The following KAT6A variants were observed in gnomAD, a reference collection of about 807,000 sequenced individuals.
KAT6A encodes lysine acetyltransferase 6A, also known as histone acetyltransferase KAT6A.
KAT6A carries 9 observed loss-of-function variants against 198.4 expected under a neutral mutation model. That is an observed-to-expected ratio of 0.05 (90% CI 0.03 to 0.08). The LOEUF (loss-of-function observed/expected upper bound fraction) is 0.08, where lower values mean the gene tolerates loss of function less well. KAT6A is among the 10% of genes least tolerant of loss of function. The pLI is 1.00. For missense variants in KAT6A, 2,077 were observed against 2,509.9 expected (o/e 0.83, Z 3.69); for synonymous variants, 890 against 883.0 (o/e 1.01, Z -0.14).
At chr8:41,961,632 A>C (rs1408266247) in intron 8 of KAT6A, among the ~76,000 whole-genome samples, 3 of 151,546 alleles carry the variant, frequency 2.0e-5, no homozygotes, top group Non-Finnish European at 2.9e-5. Flanking sequence ...GCACACCTGT[A>C]GTACCAGCTA....
chr8:42,034,614 T>C (rs1033793125), intron 2 of KAT6A, among the ~76,000 whole-genome samples: 2 of 152,226 alleles, frequency 1.3e-5, no homozygotes, highest in East Asian at 3.8e-4. Context: ...TTCTGTACTG[T>C]CCATTATAGC....
intron 2 of KAT6A, among the ~76,000 whole-genome samples, chr8:42,017,942 G>C (rs762153083): frequency 6.6e-6 from 1 of 152,118 alleles, no homozygotes; most frequent in Non-Finnish European, 1.5e-5. Flanking sequence ...CTTATTTATT[G>C]AATGACTAAA....
At chr8:42,017,001 C>T (rs1185620754) in intron 2 of KAT6A, among the ~76,000 whole-genome samples, 1 of 152,022 alleles carries the variant, frequency 6.6e-6, no homozygotes, top group East Asian at 1.9e-4. Flanking sequence ...AAGATACTCT[C>T]AACACTTGTT....
chr8:42,027,399 T>C (rs1241199179), intron 2 of KAT6A, among the ~76,000 whole-genome samples: 1 of 152,176 alleles, frequency 6.6e-6, no homozygotes, highest in Admixed American at 6.5e-5. Flanking sequence ...ATTCAGCAGG[T>C]AGAATTGAGA....
At chr8:41,935,009 T>C (rs1445145628) in intron 16 of KAT6A, 142 bp from the exon 17 acceptor site, 6 of 721,502 alleles carry the variant, frequency 8.3e-6, no homozygotes, top group Non-Finnish European at 4.5e-6. Context: ...ATTTTAAAGT[T>C]AAGAACCTAG....
chr8:41,929,878 GA>G lies in KAT6A; in HGVS notation c.*2326del, dbSNP rs1186364058. 1.2e-4 allele frequency: 25 copies of G among 207,190 alleles called. No homozygotes were observed. The highest frequency in any genetic ancestry group is 1.7e-4 in the Non-Finnish European group (17 of 101,680). The allele number at this position is 207,190 out of a possible 1,614,324, so 12.8% of individuals were successfully genotyped here. On this transcript the variant is annotated 3_prime_UTR_variant, in exon 17 of 17. Coordinates refer to ENST00000265713, the MANE Select transcript of KAT6A (RefSeq NM_006766.5). Reference sequence around the variant, plus strand: ...AAAAATTTTAAAGATGGAATGAAATGAAAAAGCTCTTATTTTAAAAGGCATC... The same window carrying G: ...AAAAATTTTAAAGATGGAATGAAATGAAAAGCTCTTATTTTAAAAGGCATC...
intron 2 of KAT6A, among the ~76,000 whole-genome samples, chr8:41,994,898 A>T (rs970663848): frequency 7.9e-5 from 12 of 152,068 alleles, no homozygotes; most frequent in African/African-American, 2.9e-4. Flanking sequence ...TCTATTAAAA[A>T]TACAAAAATT....
intron 5 of KAT6A, among the ~76,000 whole-genome samples, chr8:41,979,709 A>G (rs1824251454): frequency 6.6e-6 from 1 of 152,156 alleles, no homozygotes; most frequent in South Asian, 2.1e-4. Flanking sequence ...ACAATCAGTA[A>G]GTGAATTCAG....
chr8:41,933,956 G>C lies in KAT6A; in HGVS notation c.4264C>G (p.Leu1422Val). The C allele has an allele frequency of 6.2e-7, 1 of 1,613,988 alleles. No individual in the cohort carries two copies. Among genetic ancestry groups the C allele is most frequent in the Non-Finnish European group, 8.5e-7 (1 of 1,179,996 alleles). ...GACTGCACTGCCTGTACAGTTTCCA[G>C]ATCCAGCTCACTATGAGGAATCTCT... Reference protein sequence around the residue: ...EEEIPHSELDLETVQAVQSLT... With the variant: ...EEEIPHSELDVETVQAVQSLT... The change falls in exon 17 of 17, where the codon CTG becomes GTG. Residue 1422 changes from leucine (L) to valine (V), a missense_variant. Coordinates refer to ENST00000265713, the MANE Select transcript of KAT6A (RefSeq NM_006766.5). The surrounding 1 kb of genome is among the most constrained non-coding windows in gnomAD (Gnocchi z 6.2).
In KAT6A at chr8:42,035,463, G is replaced by GA. The variant is rs539506585; in HGVS notation, c.600+12914dup. 9.3e-4 allele frequency among the ~76,000 whole-genome samples: 141 copies of GA among 152,142 alleles called. 1 individual carries two copies. Among genetic ancestry groups the GA allele is most frequent in the Non-Finnish European group, 1.7e-3 (114 of 68,026 alleles). ...ACACAGAGGTCTAGAAATAACTCAG[G>GA]AAAGTTATCTCTAGATAACTCTCTA... On this transcript the variant is annotated intron_variant, in intron 2 of 16. Transcript: ENST00000265713.
chr8:41,945,307 G>A (rs1390067527), intron 12 of KAT6A, among the ~76,000 whole-genome samples: 1 of 145,830 alleles, frequency 6.9e-6, no homozygotes, highest in Admixed American at 7.0e-5. Context: ...AGTTTTGCTC[G>A]TCACCCAGGC....
At chr8:41,970,435 ACT>A (rs1174589370) in intron 8 of KAT6A, among the ~76,000 whole-genome samples, 3 of 151,896 alleles carry the variant, frequency 2.0e-5, no homozygotes, top group Non-Finnish European at 4.4e-5. Flanking sequence ...AACCCGTTTA[ACT>A]CTCTTTGGTC....
chr8:42,004,643 C>G lies in KAT6A; in HGVS notation c.601-17080G>C, dbSNP rs994448114. The stretch of plus-strand genomic sequence containing the variant: ...GATCGACAGTTAAAAATCACTACTT[C>G]GGCCGGGTGCGGTGACTCACACCTG... On this transcript the variant is annotated intron_variant, in intron 2 of 16. Transcript: ENST00000265713. Among the ~76,000 whole-genome samples the G allele has an allele frequency of 2.0e-5, 3 of 152,088 alleles. No individual in the cohort carries two copies. In the South Asian group the frequency reaches 6.2e-4, roughly 32 times the overall value.
chr8:41,954,861 T>C (rs1017772190), intron 9 of KAT6A, among the ~76,000 whole-genome samples: 5 of 152,288 alleles, frequency 3.3e-5, no homozygotes, highest in Admixed American at 3.3e-4. Context: ...TTTACACCAA[T>C]TGTCCAATTA....
At chr8:42,017,558 G>A (rs1244260546) in intron 2 of KAT6A, among the ~76,000 whole-genome samples, 1 of 151,972 alleles carries the variant, frequency 6.6e-6, no homozygotes, top group African/African-American at 2.4e-5. Flanking sequence ...GGGGTGGGGG[G>A]ATCTAAAGGA....
intron 3 of KAT6A, among the ~76,000 whole-genome samples, chr8:41,985,514 C>T (rs1384107083): frequency 6.6e-6 from 1 of 152,192 alleles, no homozygotes; most frequent in Non-Finnish European, 1.5e-5. Context: ...TAAGCAAAGT[C>T]ATGGTAACAA....
chr8:41,966,082 T>G (rs918453046), intron 8 of KAT6A, among the ~76,000 whole-genome samples: 1 of 152,188 alleles, frequency 6.6e-6, no homozygotes, highest in Admixed American at 6.5e-5. Context: ...GGCAAGTCAC[T>G]ATCAGATTTG....
chr8:41,942,758 CT>C, intron 14 of KAT6A, 34 bp downstream of exon 14: 1 of 1,602,826 alleles, frequency 6.2e-7, no homozygotes. Flanking sequence ...AATATATCTT[CT>C]GTCATCAAAA....
chr8:42,007,191 T>C (rs1825793354), intron 2 of KAT6A, among the ~76,000 whole-genome samples: 1 of 152,148 alleles, frequency 6.6e-6, no homozygotes, highest in Admixed American at 6.5e-5. Flanking sequence ...ACAGTTTATA[T>C]AGACAATATA....
Sources: gnomAD v4.1 joint callset for allele counts (sites outside exome capture counted in the v4.1 genomes callset) on GRCh38, gnomAD v4.1.1 for gene constraint, Gnocchi (gnomAD v3.1) non-coding constraint, MANE v1.5 for transcripts, NCBI Gene and HGNC (gene_info 2026-07-23, HGNC 2026-07-21) for gene names.